RABGAP1: variants seen among roughly 807,000 people sequenced by gnomAD.
RABGAP1 encodes rab GTPase-activating protein 1.
RABGAP1 carries 23 observed loss-of-function variants against 137.6 expected under a neutral mutation model. The ratio of observed to expected loss-of-function variants is 0.17; its 90% CI spans 0.12 to 0.24. The LOEUF (loss-of-function observed/expected upper bound fraction) is 0.24, where lower values mean the gene tolerates loss of function less well. Ranked by LOEUF, RABGAP1 falls within the 10% of genes least tolerant of loss-of-function variation. The probability of loss-of-function intolerance (pLI) is 1.00; values close to 1 mark genes in which losing one functional copy is unlikely to be tolerated. For missense variants in RABGAP1, 906 were observed against 1,275.8 expected (o/e 0.71, Z 4.42); for synonymous variants, 451 against 450.7 (o/e 1.00, Z -0.01).
chr9:123,057,112 C>A (rs2033741813), intron 13 of RABGAP1, among the ~76,000 whole-genome samples: 2 of 150,804 alleles, frequency 1.3e-5, no homozygotes, highest in Non-Finnish European at 3.0e-5. Context: ...GGGCTGACCC[C>A]CCCACCTCCC....
the RABGAP1 span, among the ~76,000 whole-genome samples, chr9:122,933,352 A>G: frequency 5.9e-5 from 9 of 151,750 alleles, no homozygotes; most frequent in Admixed American, 5.9e-4. Flanking sequence ...TAACCTTTTC[A>G]AATTTTAAAA....
intron 21 of RABGAP1, among the ~76,000 whole-genome samples, chr9:123,093,546 T>G (rs75022392): frequency 0.041 from 6,251 of 152,362 alleles, 172 homozygotes; most frequent in Middle Eastern, 0.099. Flanking sequence ...TCCTTATTAG[T>G]TCTGTGACAT....
At chr9:123,098,840 G>C (rs1454799139) in intron 23 of RABGAP1, 42 bp downstream of exon 23, 1 of 1,507,456 alleles carries the variant, frequency 6.6e-7, no homozygotes, top group Non-Finnish European at 9.1e-7. Context: ...TAATCTGGGA[G>C]CCCCTAGTCT....
chr9:122,940,340 C>G (rs1047222953), upstream of RABGAP1: 2 of 152,156 alleles, frequency 1.3e-5, no homozygotes, highest in African/African-American at 4.8e-5. Context: ...CTGATGTAAC[C>G]TTGTCCATTT....
chr9:123,094,812 T>C (rs1588410523), intron 21 of RABGAP1, among the ~76,000 whole-genome samples: 2 of 152,354 alleles, frequency 1.3e-5, no homozygotes, highest in African/African-American at 4.8e-5. Context: ...TTTCTAGATA[T>C]GGAGCTATGC....
intron 2 of RABGAP1, among the ~76,000 whole-genome samples, chr9:122,981,682 C>G (rs1005105603): frequency 1.3e-5 from 2 of 152,204 alleles, no homozygotes; most frequent in African/African-American, 4.8e-5. Context: ...TTGAAAGGCA[C>G]TGCTGAATGT....
intron 7 of RABGAP1, 70 bp downstream of exon 7, chr9:122,996,221 C>T (rs1837014737): frequency 1.2e-5 from 18 of 1,517,876 alleles, no homozygotes; most frequent in Admixed American, 2.4e-5. Context: ...CATAGTTTTA[C>T]ACTGTATTAA....
chr9:123,065,236 TGTA>T, intron 13 of RABGAP1, 109 bp from the exon 14 acceptor site: 1 of 748,786 alleles, frequency 1.3e-6, no homozygotes, highest in Non-Finnish European at 2.3e-6. Flanking sequence ...CATATGTGTA[TGTA>T]TGTCCCTGCA....
At chr9:123,089,927 T>C in intron 20 of RABGAP1, 77 bp downstream of exon 20, 2 of 1,255,724 alleles carry the variant, frequency 1.6e-6, no homozygotes, top group Admixed American at 2.2e-5. Flanking sequence ...ACTAGCTTTA[T>C]TGAGTCCTTT....
chr9:122,969,822 T>C (rs1391727858), intron 2 of RABGAP1, among the ~76,000 whole-genome samples: 1 of 152,188 alleles, frequency 6.6e-6, no homozygotes, highest in East Asian at 1.9e-4. Flanking sequence ...CACACTGACC[T>C]CCTAAAGTGT....
At chr9:122,984,379 T>C (rs1245145695) in intron 2 of RABGAP1, 106 bp from the exon 3 acceptor site, 1 of 919,310 alleles carries the variant, frequency 1.1e-6, no homozygotes, top group Non-Finnish European at 1.6e-6. Flanking sequence ...AAGATATCTT[T>C]GTATCAAAAG....
At chr9:122,952,566 C>G (rs1564354414) in intron 1 of RABGAP1, among the ~76,000 whole-genome samples, 1 of 152,074 alleles carries the variant, frequency 6.6e-6, no homozygotes, top group African/African-American at 2.4e-5. Flanking sequence ...CTGTGCCTGG[C>G]TGATAAATTT....
Position 123,020,821 on chromosome 9 carries a change from C to G in RABGAP1, c.1794+362C>G, listed in dbSNP as rs905593511. 6.3e-6 allele frequency: 4 copies of G among 633,842 alleles called. No homozygotes were observed. The African/African-American group carries it at 8.0e-5, about 13-fold the overall frequency. 39.3% of individuals were successfully genotyped at this position (633,842 alleles called of 1,614,324 possible). On this transcript the variant is annotated intron_variant, in intron 13 of 25. Coordinates refer to ENST00000373647, the MANE Select transcript of RABGAP1 (RefSeq NM_012197.4). ...AGAAATGTGCTCTTGGTAGGAAAGG[C>G]TTAGTTCTTCTTAATTCTTCTGCAA...
At chr9:122,933,266 G>A in the RABGAP1 span, among the ~76,000 whole-genome samples, 116 of 151,788 alleles carry the variant, frequency 7.6e-4, 1 homozygote, top group Middle Eastern at 3.4e-3. Flanking sequence ...TGTTCCTAGC[G>A]AGGTAAATGC....
At chr9:123,015,672 T>C (rs759604732) in intron 12 of RABGAP1, 36 bp downstream of exon 12, 4 of 1,450,048 alleles carry the variant, frequency 2.8e-6, no homozygotes, top group Non-Finnish European at 3.8e-6. Context: ...TTATCTGCAA[T>C]TTTCATTTTA....
Position 122,956,993 on chromosome 9 carries a change from A to T in RABGAP1, c.-49-18A>T. On this transcript the variant is annotated intron_variant, in intron 1 of 25. Transcript: ENST00000373647. ...GCAGACATTCTATATGAGTATCTTT[A>T]TGGTTTTTGTTTTTCAGGCATTAAA... 7.9e-7 allele frequency: 1 copy of T among 1,266,256 alleles called. No individual in the cohort carries two copies. The highest frequency in any genetic ancestry group is 1.0e-6 in the Non-Finnish European group (1 of 952,898). The allele number at this position is 1,266,256 out of a possible 1,614,324, so 78.4% of individuals were successfully genotyped here. A position where few individuals can be genotyped will look rare whatever the true frequency, so the allele number is the denominator to read the frequency against.
intron 13 of RABGAP1, chr9:123,034,279 G>C (rs2032481798): frequency 4.5e-6 from 2 of 449,344 alleles, no homozygotes; most frequent in Non-Finnish European, 7.8e-6. Flanking sequence ...TCTCCCCAGA[G>C]TTTACCTTGC....
At chr9:123,103,034 G>C (rs2035388518) in intron 25 of RABGAP1, 57 bp from the exon 26 acceptor site, 1 of 1,586,176 alleles carries the variant, frequency 6.3e-7, no homozygotes, top group Admixed American at 1.8e-5. Context: ...CTCCTCTGGG[G>C]AGCCAGTGTC....
At chr9:123,018,515 G>A (rs1379152953) in intron 12 of RABGAP1, among the ~76,000 whole-genome samples, 1 of 152,194 alleles carries the variant, frequency 6.6e-6, no homozygotes, top group African/African-American at 2.4e-5. Context: ...AAGCATGACT[G>A]TGTTTCAGTA....
Sources: gnomAD v4.1 joint callset for allele counts (sites outside exome capture counted in the v4.1 genomes callset) on GRCh38, gnomAD v4.1.1 for gene constraint, MANE v1.5 for transcripts, NCBI Gene and HGNC (gene_info 2026-07-23, HGNC 2026-07-21) for gene names.